The following LPCAT4 variants were observed in gnomAD, a reference collection of about 807,000 sequenced individuals.
The protein encoded by LPCAT4 is lysophosphatidylcholine acyltransferase 4.
A neutral mutation model predicts 66.5 loss-of-function variants in LPCAT4; 30 were observed. The observed-to-expected ratio is 0.45, with a 90% CI of 0.34 to 0.61. LPCAT4 has a LOEUF of 0.61. LPCAT4 is among the 20% of genes least tolerant of loss of function. The probability of loss-of-function intolerance (pLI) is 0.01; values close to 1 mark genes in which losing one functional copy is unlikely to be tolerated. For synonymous variants in LPCAT4, 253 were observed against 262.1 expected (o/e 0.97, Z 0.34); for missense variants, 557 against 656.7 (o/e 0.85, Z 1.66).
rs985596748 is a variant in LPCAT4, at chr15:34,362,174, C to T, written c.1010+22G>A. ...TCTCTCTCTGTGACACTGCTCATAC[C>T]CTCATTTCCAAGACCACTTACCCAG... On this transcript the variant is annotated intron_variant, in intron 10 of 13. Coordinates refer to ENST00000314891, the MANE Select transcript of LPCAT4 (RefSeq NM_153613.3). The T allele has an allele frequency of 4.4e-6, 7 of 1,607,488 alleles. No homozygotes were observed. In the Admixed American group the frequency reaches 5.0e-5, roughly 12 times the overall value.
At chr15:34,362,739 A>G in intron 8 of LPCAT4, 43 bp downstream of exon 8, 7 of 1,612,682 alleles carry the variant, frequency 4.3e-6, no homozygotes, top group Non-Finnish European at 5.1e-6. Flanking sequence ...AGGTTTCAGG[A>G]GTCTGAGATG....
At chr15:34,366,784 C>G (rs56212420) in intron 1 of LPCAT4, 23 of 632,342 alleles carry the variant, frequency 3.6e-5, no homozygotes, top group Non-Finnish European at 5.7e-5. Context: ...TCGAGCTTGT[C>G]TATCGCCCAA....
chr15:34,365,543 C>T lies in LPCAT4; in HGVS notation c.257+16G>A, dbSNP rs1869786331. On this transcript the variant is annotated intron_variant, in intron 2 of 13. Transcript: ENST00000314891. ...GGAAGAGAAGTAGGGTCTCTGGGGG[C>T]TGATCCCTCACTTACTTCCTCCATC... The T allele has an allele frequency of 5.0e-6, 8 of 1,614,158 alleles. No homozygotes were observed. Among genetic ancestry groups the T allele is most frequent in the Non-Finnish European group, 6.8e-6 (8 of 1,179,998 alleles).
intron 1 of LPCAT4, chr15:34,365,952 A>C: frequency 2.2e-6 from 1 of 455,728 alleles, no homozygotes; most frequent in Non-Finnish European, 4.0e-6. Context: ...CCCATTTATA[A>C]AACCGAAAGC....
chr15:34,360,165 T>C lies in LPCAT4; in HGVS notation c.1188A>G (p.Leu396=). The part of the protein sequence containing the change: ...LVDFRDVALA[L]AALDGGRSLE... ...GGCTCCTGCCCCCATCCAGAGCTGC[T>C]AGTGCAAGGGCCACATCTCGGAAGT... is the stretch of plus-strand genomic sequence containing the variant. Residue 396 remains leucine (L), a synonymous_variant, in exon 12 of 14, where the codon CTA becomes CTG. Coordinates refer to ENST00000314891, the MANE Select transcript of LPCAT4 (RefSeq NM_153613.3). The C allele has an allele frequency of 6.2e-7, 1 of 1,613,120 alleles. No homozygotes were observed. Among genetic ancestry groups the C allele is most frequent in the Non-Finnish European group, 8.5e-7 (1 of 1,179,836 alleles).
At chr15:34,365,764 C>T (rs1891062356) in intron 1 of LPCAT4, 63 bp from the exon 2 acceptor site, 7 of 1,575,600 alleles carry the variant, frequency 4.4e-6, no homozygotes, top group African/African-American at 1.3e-5. Flanking sequence ...CAGCATCCTT[C>T]TTCCACAAAG....
At chr15:34,364,741 AC>A in intron 3 of LPCAT4, 1 of 425,124 alleles carries the variant, frequency 2.4e-6, no homozygotes, top group Non-Finnish European at 4.2e-6. Context: ...GGCGCGAGCC[AC>A]CGTGCCTGGC....
rs539651357 is a variant in LPCAT4, at chr15:34,363,295, C to T, written c.746+127G>A. ...GACATCAGGGGGAAAGTGGTGTCTC[C>T]TCTAGAGTTCTCTCAGTCCTCAGAT... On this transcript the variant is annotated intron_variant, in intron 7 of 13. Transcript: ENST00000314891. The surrounding 1 kb of genome is among the most constrained non-coding windows in gnomAD (Gnocchi z 4.3). 1.3e-4 allele frequency: 129 copies of T among 1,029,298 alleles called. No individual in the cohort carries two copies. The East Asian group carries it at 2.7e-3, about 21-fold the overall frequency. 63.8% of individuals were successfully genotyped at this position (1,029,298 alleles called of 1,614,324 possible). A position where few individuals can be genotyped will look rare whatever the true frequency, so the allele number is the denominator to read the frequency against.
chr15:34,364,399 T>C, intron 3 of LPCAT4, 93 bp from the exon 4 acceptor site: 1 of 724,482 alleles, frequency 1.4e-6, no homozygotes. Context: ...GCATGAGAAG[T>C]TTCTGTTATC....
intron 1 of LPCAT4, 65 bp downstream of exon 1, chr15:34,366,922 G>A: frequency 2.0e-6 from 3 of 1,529,286 alleles, no homozygotes; most frequent in Non-Finnish European, 2.6e-6. Flanking sequence ...ACCTTTGCCA[G>A]GGCTCAAATG....
At position 34,363,847 on chromosome 15, in the gene LPCAT4, A is replaced by G; in HGVS notation, c.653-128T>C. 7.4e-7 allele frequency: 1 copy of G among 1,356,732 alleles called. No individual in the cohort carries two copies. Among genetic ancestry groups the G allele is most frequent in the Non-Finnish European group, 1.0e-6 (1 of 955,076 alleles). 84.0% of individuals were successfully genotyped at this position (1,356,732 alleles called of 1,614,324 possible). Reference sequence around the variant, plus strand: ...TATGGTTTTGTTCCACTCATTGATAATTTTCTCTCTGACTCCTCGACTTGA... The same window carrying G: ...TATGGTTTTGTTCCACTCATTGATAGTTTTCTCTCTGACTCCTCGACTTGA... On this transcript the variant is annotated intron_variant, in intron 5 of 13. Coordinates refer to ENST00000314891, the MANE Select transcript of LPCAT4 (RefSeq NM_153613.3). This position sits in a 1 kb window ranked among gnomAD's most constrained non-coding sequence, Gnocchi z 4.3.
intron 1 of LPCAT4, among the ~76,000 whole-genome samples, chr15:34,366,266 G>A (rs900759247): frequency 1.3e-5 from 2 of 152,200 alleles, no homozygotes; most frequent in African/African-American, 4.8e-5. Context: ...CTCTGCAAGG[G>A]AGAGAGGCTG....
chr15:34,365,920 C>T, intron 1 of LPCAT4: 1 of 548,110 alleles, frequency 1.8e-6, no homozygotes, highest in Non-Finnish European at 3.2e-6. Flanking sequence ...CCTTATTTTC[C>T]TGTCTTTCAG....
rs758529350 is a variant in LPCAT4 at position 34,365,627 on chromosome 15, G to A, written c.189C>T (p.Pro63=). The A allele has an allele frequency of 1.9e-6, 3 of 1,614,214 alleles. No homozygotes were observed. Among genetic ancestry groups the A allele is most frequent in the Non-Finnish European group, 2.5e-6 (3 of 1,180,032 alleles). The change falls in exon 2 of 14, where the codon CCC becomes CCT. Residue 63 remains proline, a synonymous_variant. Transcript: ENST00000314891. ...LAFIVLFLLW[P]FAWLQVAGLS... ...GACCGGCCACTTGAAGCCAGGCAAA[G>A]GGCCAGAGGAGAAAGAGGACGATAA...
chr15:34,366,947 T>A, intron 1 of LPCAT4, 40 bp downstream of exon 1: 17 of 1,524,046 alleles, frequency 1.1e-5, no homozygotes, highest in Non-Finnish European at 1.5e-5. Flanking sequence ...CATTTTCCTA[T>A]CCTCACGGGT....
At chr15:34,365,470 G>C in intron 2 of LPCAT4, 89 bp downstream of exon 2, 2 of 1,558,720 alleles carry the variant, frequency 1.3e-6, no homozygotes, top group Non-Finnish European at 1.8e-6. Flanking sequence ...AATAGTTTCA[G>C]AATGCTCTCT....
chr15:34,359,037 C>G lies in LPCAT4; in HGVS notation c.*90G>C. On this transcript the variant is annotated 3_prime_UTR_variant, in exon 14 of 14. Transcript: ENST00000314891. ...AAAAACAACAACCAAACAACAATAA[C>G]AAAATTCAAACAGGAGCAGAGATGG... 1 of 1,086,320 alleles carries G rather than the reference C, an allele frequency of 9.2e-7. No individual in the cohort carries two copies. The highest frequency in any genetic ancestry group is 2.3e-5 in the South Asian group (1 of 43,938). 67.3% of individuals were successfully genotyped at this position (1,086,320 alleles called of 1,614,324 possible).
chr15:34,362,435 T>G, intron 9 of LPCAT4, 114 bp from the exon 10 acceptor site: 19 of 1,455,672 alleles, frequency 1.3e-5, no homozygotes, highest in Non-Finnish European at 1.7e-5. Context: ...TAAATCTCCC[T>G]GCCTCTGTCT....
In LPCAT4 at chr15:34,362,646, C is replaced by T. The variant is rs1421749838; in HGVS notation, c.811G>A (p.Val271Met). ...CTCTCCTCAGGGCTGGGGTGATACA[C>T]AGGAAGGAACTGAAACACAGACACA... Reference protein sequence around the residue: ...CSIVDVEFLPVYHPSPEESRD... With the variant: ...CSIVDVEFLPMYHPSPEESRD... The change falls in exon 9 of 14, where the codon GTG becomes ATG. Residue 271 changes from valine to methionine, a missense_variant. By Grantham distance (21) the Val-to-Met change is conservative (BLOSUM62 1). Around this residue, in one of 4 missense-constraint regions of LPCAT4, gnomAD observed 392 missense variants for 473.9 expected, o/e 0.83. Coordinates refer to ENST00000314891, the MANE Select transcript of LPCAT4 (RefSeq NM_153613.3). The T allele has an allele frequency of 6.3e-7, 1 of 1,597,848 alleles. No individual in the cohort carries two copies. The highest frequency in any genetic ancestry group is 8.5e-7 in the Non-Finnish European group (1 of 1,170,420).
Sources: allele counts gnomAD v4.1 joint callset (sites outside exome capture counted in the v4.1 genomes callset), GRCh38; gene constraint gnomAD v4.1.1; regional missense constraint gnomAD v4.1.1; non-coding constraint Gnocchi (gnomAD v3.1); transcripts MANE v1.5; gene names NCBI Gene and HGNC (gene_info 2026-07-23, HGNC 2026-07-21).